DOK6: variants seen among roughly 807,000 people sequenced by gnomAD.
DOK6 encodes the protein docking protein 6.
DOK6 carries 22 observed loss-of-function variants against 44.0 expected under a neutral mutation model. That is an observed-to-expected ratio of 0.50 (90% CI 0.36 to 0.71). DOK6 has a LOEUF of 0.71. DOK6 is among the 30% of genes least tolerant of loss of function. The pLI, the probability that DOK6 is intolerant of heterozygous loss-of-function variation, is 0.00. For missense variants in DOK6, 340 were observed against 416.4 expected, an observed-to-expected ratio of 0.82 and a Z score of 1.60; for synonymous variants, 166 against 145.5, an observed-to-expected ratio of 1.14 and a Z score of -1.01.
chr18:69,527,500 G>A (rs1981863926), intron 1 of DOK6, among the ~76,000 whole-genome samples: 1 of 152,176 alleles, frequency 6.6e-6, no homozygotes, highest in Non-Finnish European at 1.5e-5. Context: ...ACAGCATGGT[G>A]GTAACTGCCC....
chr18:69,518,488 T>C (rs1981594526), intron 1 of DOK6, among the ~76,000 whole-genome samples: 1 of 152,134 alleles, frequency 6.6e-6, no homozygotes, highest in Non-Finnish European at 1.5e-5. Flanking sequence ...AAATATTGCA[T>C]TGCAATTTAA....
intron 7 of DOK6, among the ~76,000 whole-genome samples, chr18:69,823,756 T>C (rs983090159): frequency 6.6e-6 from 1 of 152,120 alleles, no homozygotes; most frequent in African/African-American, 2.4e-5. Context: ...TCTGTACTTT[T>C]AGCTCCCCTG....
rs1444518930 is a variant in DOK6 at position 69,842,136 on chromosome 18, T to C, written c.*753T>C. ...TGTTGAATAGCTATTTTTAAAATAG[T>C]GCTGTAAAAAAAAAAAAAAAAAAGG... is the stretch of plus-strand genomic sequence containing the variant. On this transcript the variant is annotated 3_prime_UTR_variant, in exon 8 of 8. Coordinates refer to ENST00000382713, the MANE Select transcript of DOK6 (RefSeq NM_152721.6). The C allele has an allele frequency of 3.7e-5, 2 of 54,144 alleles. No homozygotes were observed. Among genetic ancestry groups the C allele is most frequent in the South Asian group, 2.2e-3 (2 of 914 alleles). The allele number at this position is 54,144 out of a possible 1,614,324, so 3.4% of individuals were successfully genotyped here. A position where few individuals can be genotyped will look rare whatever the true frequency, so the allele number is the denominator to read the frequency against.
intron 4 of DOK6, among the ~76,000 whole-genome samples, chr18:69,695,958 G>A (rs114443331): frequency 0.035 from 5,314 of 152,130 alleles, 177 homozygotes; most frequent in African/African-American, 0.084. Context: ...GAGGCACCAC[G>A]GGTAAATTTC....
intron 2 of DOK6, among the ~76,000 whole-genome samples, chr18:69,565,507 GTGTGTGTGTGTGTGTA>G (rs1400112802): frequency 0.082 from 2,699 of 32,950 alleles, 46 homozygotes; most frequent in Non-Finnish European, 0.15. Context: ...GTGTGTGTGT[GTGTGTGTGTGTGTGTA>G]TATATATATA....
chr18:69,484,815 G>C lies in DOK6; in HGVS notation c.67-79672G>C, dbSNP rs189758635. On this transcript the variant is annotated intron_variant, in intron 1 of 7. Transcript: ENST00000382713. ...GAGTCCTGGACAGCACTTCAGCACT[G>C]TGCTTAGAAGTTATTTAAATGGTGA... 4.1e-3 allele frequency among the ~76,000 whole-genome samples: 627 copies of C among 152,228 alleles called. 5 individuals are homozygous for C. The highest frequency in any genetic ancestry group is 9.3e-3 in the South Asian group (45 of 4,820).
At chr18:69,628,202 G>A (rs1209588582) in intron 3 of DOK6, among the ~76,000 whole-genome samples, 1 of 152,140 alleles carries the variant, frequency 6.6e-6, no homozygotes, top group Admixed American at 6.5e-5. Flanking sequence ...TCAAATGTTT[G>A]GGGAGGCTTG....
At chr18:69,757,145 TCA>T (rs1420086387) in intron 6 of DOK6, among the ~76,000 whole-genome samples, 2 of 152,228 alleles carry the variant, frequency 1.3e-5, no homozygotes, top group African/African-American at 2.4e-5. Flanking sequence ...CACAGTTTTA[TCA>T]CAGTGTTTCT....
chr18:69,709,730 GA>G (rs780682639), intron 5 of DOK6, among the ~76,000 whole-genome samples: 4 of 152,056 alleles, frequency 2.6e-5, no homozygotes, highest in Non-Finnish European at 4.4e-5. Flanking sequence ...AAAGAAAAAA[GA>G]TATTTTTCTT....
At chr18:69,635,989 T>C (rs1251471925) in intron 3 of DOK6, among the ~76,000 whole-genome samples, 3 of 152,222 alleles carry the variant, frequency 2.0e-5, no homozygotes, top group Non-Finnish European at 2.9e-5. Flanking sequence ...TGGAAGTCTG[T>C]GACACAGTAG....
intron 1 of DOK6, among the ~76,000 whole-genome samples, chr18:69,495,602 G>A (rs1051453455): frequency 6.6e-6 from 1 of 152,102 alleles, no homozygotes; most frequent in South Asian, 2.1e-4. Context: ...GCCCAGAAAA[G>A]GCACCACAAG....
chr18:69,447,610 A>G (rs1283332823), intron 1 of DOK6, among the ~76,000 whole-genome samples: 1 of 152,250 alleles, frequency 6.6e-6, no homozygotes. Flanking sequence ...TATAATCTTC[A>G]TAAGTTTCTT....
chr18:69,457,938 G>GT (rs1979674886), intron 1 of DOK6, among the ~76,000 whole-genome samples: 1 of 152,190 alleles, frequency 6.6e-6, no homozygotes, highest in Admixed American at 6.6e-5. Flanking sequence ...GAGGTCAGGA[G>GT]TTTGAGACCA....
intron 3 of DOK6, among the ~76,000 whole-genome samples, chr18:69,658,717 T>G (rs1985433481): frequency 6.6e-6 from 1 of 152,318 alleles, no homozygotes; most frequent in East Asian, 1.9e-4. Context: ...TTCTGCTGTC[T>G]TTTTCTCAGT....
intron 7 of DOK6, among the ~76,000 whole-genome samples, chr18:69,780,456 G>A (rs1039300084): frequency 1.3e-5 from 2 of 152,170 alleles, no homozygotes; most frequent in South Asian, 2.1e-4. Context: ...GCCGTGCATG[G>A]TGATGTGTGC....
chr18:69,618,267 T>TAATA (rs1306913510), intron 3 of DOK6, among the ~76,000 whole-genome samples: 8 of 152,202 alleles, frequency 5.3e-5, no homozygotes, highest in Non-Finnish European at 8.8e-5. Flanking sequence ...CCTAGGAAAC[T>TAATA]AATATAGAGC....
At chr18:69,529,390 C>A (rs1479643250) in intron 1 of DOK6, among the ~76,000 whole-genome samples, 2 of 152,082 alleles carry the variant, frequency 1.3e-5, no homozygotes, top group Non-Finnish European at 2.9e-5. Context: ...ATTTTTGACT[C>A]ATTGTTCAGT....
At chr18:69,519,114 G>T (rs1182338496) in intron 1 of DOK6, among the ~76,000 whole-genome samples, 1 of 151,954 alleles carries the variant, frequency 6.6e-6, no homozygotes, top group African/African-American at 2.4e-5. Flanking sequence ...ATGAGTATAA[G>T]AATGGGAATA....
At chr18:69,760,529 T>C (rs1979515841) in intron 7 of DOK6, among the ~76,000 whole-genome samples, 1 of 151,946 alleles carries the variant, frequency 6.6e-6, no homozygotes, top group Non-Finnish European at 1.5e-5. Flanking sequence ...GAAGGAAAGT[T>C]CACCTTGGGA....
Sources: gnomAD v4.1 joint callset for allele counts (sites outside exome capture counted in the v4.1 genomes callset) on GRCh38, gnomAD v4.1.1 for gene constraint, MANE v1.5 for transcripts, NCBI Gene and HGNC (gene_info 2026-07-23, HGNC 2026-07-21) for gene names.